The following TLX1 variants were observed in gnomAD, a reference collection of about 807,000 sequenced individuals.
The protein encoded by TLX1 is T-cell leukemia homeobox protein 1.
A neutral mutation model predicts 26.5 loss-of-function variants in TLX1; 6 were observed. That is an observed-to-expected ratio of 0.23 (90% confidence interval 0.12 to 0.45). The LOEUF (loss-of-function observed/expected upper bound fraction) is 0.45. Ranked by LOEUF, TLX1 falls within the 20% of genes least tolerant of loss-of-function variation. The probability of loss-of-function intolerance (pLI) is 0.99; values close to 1 mark genes in which losing one functional copy is unlikely to be tolerated. For missense variants in TLX1, 418 were observed against 482.6 expected, an observed-to-expected ratio of 0.87 and a Z score of 1.25; for synonymous variants, 217 against 219.7, an observed-to-expected ratio of 0.99 and a Z score of 0.11.
In TLX1 at chr10:101,131,701, G is replaced by T; in HGVS notation, c.160G>T (p.Ala54Ser). 2 of 1,505,530 alleles carry T rather than the reference G, an allele frequency of 1.3e-6. No individual in the cohort carries two copies. Among genetic ancestry groups the T allele is most frequent in the Non-Finnish European group, 1.8e-6 (2 of 1,134,256 alleles). The allele number at this position is 1,505,530 out of a possible 1,614,324, so 93.3% of individuals were successfully genotyped here. Residue 54 changes from alanine (A) to serine (S), a missense_variant, in exon 1 of 3, where the codon GCC (alanine) becomes TCC (serine). Physicochemically the swap from Ala to Ser is moderately conservative, Grantham distance 99 (BLOSUM62 1). Around this residue, in one of 3 missense-constraint regions of TLX1, gnomAD observed 322 missense variants for 344.6 expected, o/e 0.93. Coordinates refer to ENST00000370196, the MANE Select transcript of TLX1 (RefSeq NM_005521.4). The stretch of plus-strand genomic sequence containing the variant: ...CGGCCTTGGCTGCTTGGTCGGAGGC[G>T]CCTACACTTACGGCGGCGGGGGCTC... ...EYGLGCLVGG[A>S]YTYGGGGSAA...
rs1355276723 is a variant in TLX1 at position 101,131,589 on chromosome 10, C to T, written c.48C>T (p.Pro16=). The change falls in exon 1 of 3, where the codon CCC becomes CCT. Residue 16 remains proline (P), a synonymous_variant. Coordinates refer to ENST00000370196, the MANE Select transcript of TLX1 (RefSeq NM_005521.4). ...ACCTCCACCCGGGTCACGCAGAGCC[C>T]ATTAGCTTCGGCATCGACCAGATCC... ...PHHLHPGHAE[P]ISFGIDQILN... is the part of the protein sequence containing the mutation. 6.4e-7 allele frequency: 1 copy of T among 1,562,424 alleles called. No homozygotes were observed. The highest frequency in any genetic ancestry group is 8.6e-7 in the Non-Finnish European group (1 of 1,157,592).
At chr10:101,135,850 G>C (rs1405026922) in intron 2 of TLX1, among the ~76,000 whole-genome samples, 3 of 152,214 alleles carry the variant, frequency 2.0e-5, no homozygotes, top group Non-Finnish European at 4.4e-5. Context: ...AAGCCTAAAA[G>C]AGAAATATTC....
At position 101,131,563 on chromosome 10, in the gene TLX1, C is replaced by A; in HGVS notation, c.22C>A (p.His8Asn). 2 of 1,527,928 alleles carry A rather than the reference C, an allele frequency of 1.3e-6. No individual in the cohort carries two copies. The highest frequency in any genetic ancestry group is 1.8e-4 in the Middle Eastern group (1 of 5,630). The allele number at this position is 1,527,928 out of a possible 1,614,324, so 94.6% of individuals were successfully genotyped here. A position where few individuals can be genotyped will look rare whatever the true frequency, so the allele number is the denominator to read the frequency against. Reference sequence around the variant, plus strand: ...CAGCATGGAGCACCTGGGTCCGCACCACCTCCACCCGGGTCACGCAGAGCC... The same window carrying A: ...CAGCATGGAGCACCTGGGTCCGCACAACCTCCACCCGGGTCACGCAGAGCC... MEHLGPH[H>N]LHPGHAEPIS... The change falls in exon 1 of 3, where the codon CAC becomes AAC. Residue 8 changes from histidine to asparagine, a missense_variant. By Grantham distance (68) the His-to-Asn change is moderately conservative (BLOSUM62 1). This residue lies in a region of TLX1 where 322 missense variants were observed against 344.6 expected (regional missense o/e 0.93). Coordinates refer to ENST00000370196, the MANE Select transcript of TLX1 (RefSeq NM_005521.4).
intron 1 of TLX1, among the ~76,000 whole-genome samples, chr10:101,133,910 A>G (rs1360825903): frequency 6.6e-6 from 1 of 151,878 alleles, no homozygotes; most frequent in Non-Finnish European, 1.5e-5. Flanking sequence ...GGCTCGCGGG[A>G]GCCCGGGGCC....
Position 101,135,314 on chromosome 10 carries a change from A to G in TLX1, c.770+938A>G, listed in dbSNP as rs868187107. The G allele has an allele frequency of 2.9e-4, 45 of 154,030 alleles. 4 individuals carry two copies. In the Middle Eastern group the frequency reaches 0.015, roughly 50 times the overall value. 9.5% of individuals were successfully genotyped at this position (154,030 alleles called of 1,614,324 possible). A position where few individuals can be genotyped will look rare whatever the true frequency, so the allele number is the denominator to read the frequency against. On this transcript the variant is annotated intron_variant, in intron 2 of 2. Coordinates refer to ENST00000370196, the MANE Select transcript of TLX1 (RefSeq NM_005521.4). Reference sequence around the variant, plus strand: ...CGCCGAGACGGGCGGGCCTTGGGGCAGGAGGAAGGAATTGGAGTTTCCTCT... The same window carrying G: ...CGCCGAGACGGGCGGGCCTTGGGGCGGGAGGAAGGAATTGGAGTTTCCTCT...
At chr10:101,135,282 T>TCGG (rs1940271309) in intron 2 of TLX1, 1 of 152,956 alleles carries the variant, frequency 6.5e-6, no homozygotes, top group Admixed American at 6.5e-5. Flanking sequence ...CTGGGCGAAG[T>TCGG]CGGCGGCGCC....
At chr10:101,136,664 G>A in intron 2 of TLX1, 27 bp from the exon 3 acceptor site, 1 of 1,612,832 alleles carries the variant, frequency 6.2e-7, no homozygotes, top group Non-Finnish European at 8.5e-7. Flanking sequence ...GGTGCTCCTG[G>A]CAGGTAACGG....
In TLX1 at chr10:101,134,883, G is replaced by T. The variant is rs747156932; in HGVS notation, c.770+507G>T. Among the ~76,000 whole-genome samples the T allele has an allele frequency of 2.0e-5, 3 of 152,314 alleles. No homozygotes were observed. The South Asian group carries it at 6.2e-4, about 32-fold the overall frequency. On this transcript the variant is annotated intron_variant, in intron 2 of 2. Transcript: ENST00000370196. ...TGACGGTCTCCTCCCCCAGACACCC[G>T]GCCTTTGCGCAGCCGGTCCCTACCC...
rs1206519153 is a variant in TLX1 at position 101,137,786 on chromosome 10, C to T, written c.*873C>T. On this transcript the variant is annotated 3_prime_UTR_variant, in exon 3 of 3. Coordinates refer to ENST00000370196, the MANE Select transcript of TLX1 (RefSeq NM_005521.4). ...AAAAATAAATAAAAGCCTCCGGATC[C>T]GGAGTCAGGGCTGCCTGCTCCTTGC... 3 of 209,840 alleles carry T rather than the reference C, an allele frequency of 1.4e-5. No individual in the cohort carries two copies. The highest frequency in any genetic ancestry group is 1.4e-4 in the East Asian group (2 of 13,914). 13.0% of individuals were successfully genotyped at this position (209,840 alleles called of 1,614,324 possible).
chr10:101,131,898 C>T lies in TLX1; in HGVS notation c.357C>T (p.Ser119=). 7.2e-7 allele frequency: 1 copy of T among 1,394,410 alleles called. No homozygotes were observed. Among genetic ancestry groups the T allele is most frequent in the South Asian group, 1.7e-5 (1 of 60,572 alleles). 86.4% of individuals were successfully genotyped at this position (1,394,410 alleles called of 1,614,324 possible). The change falls in exon 1 of 3, where the codon AGC becomes AGT. Residue 119 remains serine, a synonymous_variant. Coordinates refer to ENST00000370196, the MANE Select transcript of TLX1 (RefSeq NM_005521.4). ...CCGGTCCTGGCGGCGGCGGCGGCAG[C>T]AGCGGCGGTGCCGGGGCACTCAGCG... ...GGPGPGGGGG[S]SGGAGALSAA... is the part of the protein sequence containing the mutation.
intron 2 of TLX1, chr10:101,135,634 A>C (rs982505867): frequency 6.6e-6 from 1 of 152,280 alleles, no homozygotes; most frequent in Non-Finnish European, 1.5e-5. Context: ...AAACTGAAAC[A>C]CAACCAGTTT....
In TLX1 at chr10:101,131,880, T is replaced by TGGC. The variant is rs760650231; in HGVS notation, c.352_354dup (p.Gly118dup). On this transcript the variant is annotated inframe_insertion, in exon 1 of 3. Coordinates refer to ENST00000370196, the MANE Select transcript of TLX1 (RefSeq NM_005521.4). Reference sequence around the variant, plus strand: ...TGGCCTTGGCAGGCGGCCCCGGTCCTGGCGGCGGCGGCGGCAGCAGCGGCG... The same window carrying TGGC: ...TGGCCTTGGCAGGCGGCCCCGGTCCTGGCGGCGGCGGCGGCGGCAGCAGCGGCG... 23 of 1,400,422 alleles carry TGGC rather than the reference T, an allele frequency of 1.6e-5. No individual in the cohort carries two copies. The highest frequency in any genetic ancestry group is 1.9e-4 in the Middle Eastern group (1 of 5,274). 86.7% of individuals were successfully genotyped at this position (1,400,422 alleles called of 1,614,324 possible).
Position 101,131,914 on chromosome 10 carries a change from G to T in TLX1, c.373G>T (p.Ala125Ser). 1 of 1,398,724 alleles carries T rather than the reference G, an allele frequency of 7.1e-7. No individual in the cohort carries two copies. Among genetic ancestry groups the T allele is most frequent in the Non-Finnish European group, 9.2e-7 (1 of 1,084,386 alleles). The allele number at this position is 1,398,724 out of a possible 1,614,324, so 86.6% of individuals were successfully genotyped here. ...CGGCGGCAGCAGCGGCGGTGCCGGG[G>T]CACTCAGCGCTGCGGGGGTAATCCG... ...GGGGSSGGAG[A>S]LSAAGVIRVP... is the part of the protein sequence containing the mutation. The change falls in exon 1 of 3, where the codon GCA becomes TCA. Residue 125 changes from alanine (A) to serine (S), a missense_variant. This residue lies in a region of TLX1 where 322 missense variants were observed against 344.6 expected (regional missense o/e 0.93). Transcript: ENST00000370196.
intron 2 of TLX1, 79 bp downstream of exon 2, chr10:101,134,455 C>A: frequency 7.2e-7 from 1 of 1,382,366 alleles, no homozygotes; most frequent in Non-Finnish European, 9.6e-7. Context: ...TCTCGTGGGG[C>A]GCACATACTT....
In TLX1 at chr10:101,132,167, G is replaced by A; in HGVS notation, c.568+58G>A. 7.8e-7 allele frequency: 1 copy of A among 1,282,912 alleles called. No individual in the cohort carries two copies. Among genetic ancestry groups the A allele is most frequent in the Non-Finnish European group, 9.9e-7 (1 of 1,014,178 alleles). 79.5% of individuals were successfully genotyped at this position (1,282,912 alleles called of 1,614,324 possible). On this transcript the variant is annotated intron_variant, in intron 1 of 2. Transcript: ENST00000370196. The surrounding 1 kb of genome is among the most constrained non-coding windows in gnomAD (Gnocchi z 4.1). ...GCGGCCCGGGCTCCGTGCTACCCCTGCCCCGCCGGGTGGCTCCCCAAAGCC... is the reference window on the plus strand; with the variant it reads ...GCGGCCCGGGCTCCGTGCTACCCCTACCCCGCCGGGTGGCTCCCCAAAGCC...
Position 101,131,850 on chromosome 10 carries a change from G to A in TLX1, c.309G>A (p.Val103=). ...SMGPLTGSYN[V]NMALAGGPGP... is the part of the protein sequence containing the mutation. ...GTCCTCTGACCGGCTCCTACAACGT[G>A]AACATGGCCTTGGCAGGCGGCCCCG... Residue 103 remains valine, a synonymous_variant, in exon 1 of 3, where the codon GTG becomes GTA. Coordinates refer to ENST00000370196, the MANE Select transcript of TLX1 (RefSeq NM_005521.4). 7.1e-7 allele frequency: 1 copy of A among 1,410,528 alleles called. No homozygotes were observed. Among genetic ancestry groups the A allele is most frequent in the Non-Finnish European group, 9.2e-7 (1 of 1,090,038 alleles). The allele number at this position is 1,410,528 out of a possible 1,614,324, so 87.4% of individuals were successfully genotyped here.
chr10:101,134,346 C>T lies in TLX1; in HGVS notation c.740C>T (p.Thr247Ile). 1.2e-6 allele frequency: 2 copies of T among 1,604,258 alleles called. No individual in the cohort carries two copies. Among genetic ancestry groups the T allele is most frequent in the Non-Finnish European group, 8.5e-7 (1 of 1,176,502 alleles). ...AAAATGACCGATGCGCAGGTCAAAACCTGGTTCCAGAACCGGCGGACAAAG... is the reference window on the plus strand; with the variant it reads ...AAAATGACCGATGCGCAGGTCAAAATCTGGTTCCAGAACCGGCGGACAAAG... ...ALKMTDAQVK[T>I]WFQNRRTKWR... The change falls in exon 2 of 3, where the codon ACC becomes ATC. Residue 247 changes from threonine (T) to isoleucine (I), a missense_variant. Thr to Ile is a moderately conservative substitution (Grantham distance 89). Around this residue, in one of 3 missense-constraint regions of TLX1, gnomAD observed 18 missense variants for 45.8 expected, o/e 0.39. Transcript: ENST00000370196.
In TLX1 at chr10:101,136,545, C is replaced by T. The variant is rs931094922; in HGVS notation, c.771-146C>T. 1.1e-5 allele frequency: 15 copies of T among 1,313,438 alleles called. No homozygotes were observed. The South Asian group carries it at 1.3e-4, about 12-fold the overall frequency. 81.4% of individuals were successfully genotyped at this position (1,313,438 alleles called of 1,614,324 possible). ...AGTCAGGACTCTCAAAAGAAGGGAA[C>T]GCGTTATAGGGGCCCAAACTGGATT... is the stretch of plus-strand genomic sequence containing the variant. On this transcript the variant is annotated intron_variant, in intron 2 of 2. Coordinates refer to ENST00000370196, the MANE Select transcript of TLX1 (RefSeq NM_005521.4).
chr10:101,135,100 A>T (rs1025427333), intron 2 of TLX1, among the ~76,000 whole-genome samples: 1 of 152,208 alleles, frequency 6.6e-6, no homozygotes. Flanking sequence ...ACGGACGTGA[A>T]GCGTCCCCAA....
Sources: allele counts gnomAD v4.1 joint callset (sites outside exome capture counted in the v4.1 genomes callset), GRCh38; gene constraint gnomAD v4.1.1; regional missense constraint gnomAD v4.1.1; non-coding constraint Gnocchi (gnomAD v3.1); transcripts MANE v1.5; gene names NCBI Gene and HGNC (gene_info 2026-07-23, HGNC 2026-07-21).